The following KDM5A variants were observed in gnomAD, a reference collection of about 807,000 sequenced individuals.
The protein encoded by KDM5A is lysine-specific demethylase 5A.
In KDM5A, 42 loss-of-function variants were observed where a neutral mutation model predicts 193.5. That is an observed-to-expected ratio of 0.22 (90% CI 0.17 to 0.28). The LOEUF (loss-of-function observed/expected upper bound fraction) is 0.28. Ranked by LOEUF, KDM5A falls within the 10% of genes least tolerant of loss-of-function variation. The pLI is 1.00. For synonymous variants in KDM5A, 796 were observed against 718.1 expected (o/e 1.11, Z -1.73); for missense variants, 1,692 against 2,055.1 (o/e 0.82, Z 3.42).
At position 356,659 on chromosome 12, in the gene KDM5A, T is replaced by G. The variant is rs915895340; in HGVS notation, c.673-122A>C. On this transcript the variant is annotated intron_variant, in intron 5 of 27. Transcript: ENST00000399788. ...AGAACAAATTATTGGATTTCTTTTC[T>G]GTAAATCCACTCACTGCCTCATTAC... 1.4e-4 allele frequency: 102 copies of G among 710,204 alleles called. No homozygotes were observed. In the East Asian group the frequency reaches 2.7e-3, roughly 19 times the overall value. The allele number at this position is 710,204 out of a possible 1,614,324, so 44.0% of individuals were successfully genotyped here.
chr12:355,904 G>A (rs1355903540), intron 6 of KDM5A, among the ~76,000 whole-genome samples: 1 of 152,160 alleles, frequency 6.6e-6, no homozygotes, highest in Non-Finnish European at 1.5e-5. Flanking sequence ...AGAGAACAGT[G>A]GAACTTGATC....
At chr12:367,942 A>T (rs1591935152) in intron 3 of KDM5A, among the ~76,000 whole-genome samples, 1 of 152,204 alleles carries the variant, frequency 6.6e-6, no homozygotes, top group Non-Finnish European at 1.5e-5. Context: ...ATATATACTC[A>T]AAGAACTGAA....
intron 19 of KDM5A, among the ~76,000 whole-genome samples, chr12:316,023 T>C: frequency 6.6e-6 from 1 of 152,210 alleles, no homozygotes; most frequent in East Asian, 1.9e-4. Flanking sequence ...AAGGCATCTA[T>C]GCCAGAATCT....
At position 366,103 on chromosome 12, in the gene KDM5A, A is replaced by G. The variant is rs1441436095; in HGVS notation, c.368T>C (p.Ile123Thr). Reference protein sequence around the residue: ...KILDLYALSKIVASKGGFEMV... With the variant: ...KILDLYALSKTVASKGGFEMV... ...TTCAAAACCTCCTTTGCTGGCAACA[A>G]TCTGAAAAGAAAGTAAAAGTTGCTT... Residue 123 changes from isoleucine (I) to threonine (T), a missense_variant and splice_region_variant, in exon 4 of 28, where the codon ATT (isoleucine) becomes ACT (threonine). Transcript: ENST00000399788. The G allele has an allele frequency of 5.0e-6, 8 of 1,613,828 alleles. No homozygotes were observed. The highest frequency in any genetic ancestry group is 3.3e-5 in the Admixed American group (2 of 59,958).
chr12:339,745 G>A (rs1363299254), intron 10 of KDM5A, among the ~76,000 whole-genome samples: 1 of 151,978 alleles, frequency 6.6e-6, no homozygotes, highest in South Asian at 2.1e-4. Context: ...AATACAGGCC[G>A]CCAGCCAATA....
rs979123395 is a variant in KDM5A, at chr12:284,551, T to C, written c.*905A>G. The C allele has an allele frequency of 6.9e-5, 16 of 232,832 alleles. No individual in the cohort carries two copies. In the Admixed American group the frequency reaches 7.3e-4, roughly 11 times the overall value. The allele number at this position is 232,832 out of a possible 1,614,324, so 14.4% of individuals were successfully genotyped here. Reference sequence around the variant, plus strand: ...CATGCCTGAAGCCTGGTGTCTGGAATACTTGTGAATGAAGTTTTCCCCGAA... The same window carrying C: ...CATGCCTGAAGCCTGGTGTCTGGAACACTTGTGAATGAAGTTTTCCCCGAA... On this transcript the variant is annotated 3_prime_UTR_variant, in exon 28 of 28. Coordinates refer to ENST00000399788, the MANE Select transcript of KDM5A (RefSeq NM_001042603.3).
At chr12:383,690 A>G (rs1021493503) in intron 3 of KDM5A, among the ~76,000 whole-genome samples, 1 of 150,516 alleles carries the variant, frequency 6.6e-6, no homozygotes, top group Non-Finnish European at 1.5e-5. Context: ...CAAATATAAA[A>G]TAAGTTTTAA....
At chr12:293,615 C>T (rs1350818604) in intron 26 of KDM5A, among the ~76,000 whole-genome samples, 2 of 151,862 alleles carry the variant, frequency 1.3e-5, no homozygotes, top group African/African-American at 4.8e-5. Context: ...CCCGACTCTA[C>T]TAAAAATACA....
In KDM5A at chr12:285,034, A is replaced by T. The variant is rs957112070; in HGVS notation, c.*422T>A. 1 of 286,160 alleles carries T rather than the reference A, an allele frequency of 3.5e-6. No homozygotes were observed. Among genetic ancestry groups the T allele is most frequent in the African/African-American group, 2.1e-5 (1 of 47,362 alleles). 17.7% of individuals were successfully genotyped at this position (286,160 alleles called of 1,614,324 possible). On this transcript the variant is annotated 3_prime_UTR_variant, in exon 28 of 28. Coordinates refer to ENST00000399788, the MANE Select transcript of KDM5A (RefSeq NM_001042603.3). ...CTCCAATCCCTCTCCAACTATCCCAATGAAGGAGATCCAAGCAATTAGCAC... is the reference window on the plus strand; with the variant it reads ...CTCCAATCCCTCTCCAACTATCCCATTGAAGGAGATCCAAGCAATTAGCAC...
chr12:296,392 G>A (rs1242307684), intron 25 of KDM5A, among the ~76,000 whole-genome samples: 4 of 151,736 alleles, frequency 2.6e-5, no homozygotes, highest in African/African-American at 7.3e-5. Flanking sequence ...CGTGTGGCAA[G>A]GGGAGCGAGC....
chr12:296,430 A>G (rs1403137398), intron 25 of KDM5A, among the ~76,000 whole-genome samples: 2 of 152,168 alleles, frequency 1.3e-5, no homozygotes, highest in Non-Finnish European at 1.5e-5. Context: ...TTTAGAGTAT[A>G]CCAAAAGATT....
chr12:294,259 T>A lies in KDM5A; in HGVS notation c.4456-1090A>T, dbSNP rs1210369744. The stretch of plus-strand genomic sequence containing the variant: ...GTGCCAATGTAATAAACATTTTAAA[T>A]TTTAATGGTAAAAGTGTATCTAGTA... On this transcript the variant is annotated intron_variant, in intron 26 of 27. Coordinates refer to ENST00000399788, the MANE Select transcript of KDM5A (RefSeq NM_001042603.3). 2.6e-5 allele frequency among the ~76,000 whole-genome samples: 4 copies of A among 152,124 alleles called. No homozygotes were observed. In the East Asian group the frequency reaches 7.7e-4, roughly 29 times the overall value.
rs573702894 is a variant in KDM5A, at chr12:331,824, C to A, written c.1768G>T (p.Asp590Tyr). 2 of 1,613,974 alleles carry A rather than the reference C, an allele frequency of 1.2e-6. No homozygotes were observed. Among genetic ancestry groups the A allele is most frequent in the South Asian group, 2.2e-5 (2 of 91,058 alleles). ...FAEAVNFCTA[D>Y]WLPIGRQCVN... ...CCACTTGCTATAGAACAGACCCAGT[C>A]AGCAGTACAGAAGTTCACAGCTTCA... Residue 590 changes from aspartate (D) to tyrosine (Y), a missense_variant, in exon 13 of 28, where the codon GAC (aspartate) becomes TAC (tyrosine). Asp to Tyr is a radical substitution (Grantham distance 160). Transcript: ENST00000399788.
intron 3 of KDM5A, among the ~76,000 whole-genome samples, chr12:372,840 TTGAGA>T (rs2137481148): frequency 6.6e-6 from 1 of 152,344 alleles, no homozygotes; most frequent in South Asian, 2.1e-4. Context: ...TCTGCATCTA[TTGAGA>T]TAATTGTGTG....
At chr12:310,355 A>G (rs1943567850) in intron 21 of KDM5A, among the ~76,000 whole-genome samples, 2 of 152,276 alleles carry the variant, frequency 1.3e-5, no homozygotes, top group South Asian at 4.1e-4. Context: ...GATAGGCTGG[A>G]CGTGGTGGCT....
chr12:286,225 A>AT (rs900110134), intron 27 of KDM5A: 3 of 495,848 alleles, frequency 6.1e-6, no homozygotes, highest in South Asian at 1.5e-5. Context: ...AAGTTAGCAA[A>AT]TATCAGATGT....
intron 3 of KDM5A, among the ~76,000 whole-genome samples, chr12:366,857 A>G (rs1037060592): frequency 6.6e-6 from 1 of 152,220 alleles, no homozygotes; most frequent in Non-Finnish European, 1.5e-5. Flanking sequence ...ATTTTGGTCA[A>G]ATATAGACCG....
At chr12:339,809 C>T (rs920199787) in intron 10 of KDM5A, among the ~76,000 whole-genome samples, 2 of 152,146 alleles carry the variant, frequency 1.3e-5, no homozygotes, top group South Asian at 2.1e-4. Flanking sequence ...CTTGTATAAC[C>T]TCCACCTACA....
intron 27 of KDM5A, chr12:286,285 G>C: frequency 2.3e-6 from 1 of 443,580 alleles, no homozygotes; most frequent in Non-Finnish European, 4.6e-6. Flanking sequence ...CAGGTCAATA[G>C]ATCACTCTGG....
Sources: gnomAD v4.1 joint callset for allele counts (sites outside exome capture counted in the v4.1 genomes callset) on GRCh38, gnomAD v4.1.1 for gene constraint, MANE v1.5 for transcripts, NCBI Gene and HGNC (gene_info 2026-07-23, HGNC 2026-07-21) for gene names.